The following SNX2 variants were observed in gnomAD, a reference collection of about 807,000 sequenced individuals.
SNX2 encodes sorting nexin-2.
A neutral mutation model predicts 69.9 loss-of-function variants in SNX2; 25 were observed. That is an observed-to-expected ratio of 0.36 (90% CI 0.26 to 0.50). The LOEUF is 0.50. Ranked by LOEUF, SNX2 falls within the 20% of genes least tolerant of loss-of-function variation. The pLI, the probability that SNX2 is intolerant of heterozygous loss-of-function variation, is 0.97. For synonymous variants in SNX2, 229 were observed against 200.4 expected (o/e 1.14, Z -1.20); for missense variants, 551 against 613.3 (o/e 0.90, Z 1.07).
chr5:122,799,781 A>G lies in SNX2; in HGVS notation c.316A>G (p.Thr106Ala), dbSNP rs1239405419. ...PSPAVTPVTP[T>A]TLIAPRIESK... is the part of the protein sequence containing the mutation. The stretch of plus-strand genomic sequence containing the variant: ...TCCTGCAGTCACACCTGTCACTCCT[A>G]CTACACTCATTGCTCCTAGAATTGA... The change falls in exon 3 of 15, where the codon ACT becomes GCT. Residue 106 changes from threonine to alanine, a missense_variant. This residue lies in a region of SNX2 where 191 missense variants were observed against 162.9 expected (regional missense o/e 1.17). Transcript: ENST00000379516. The G allele has an allele frequency of 1.2e-5, 20 of 1,613,490 alleles. No individual in the cohort carries two copies. The highest frequency in any genetic ancestry group is 1.7e-5 in the Admixed American group (1 of 59,978).
chr5:122,824,201 CAA>C (rs398050704), intron 11 of SNX2, among the ~76,000 whole-genome samples: 47,183 of 112,656 alleles, frequency 0.42, 8,664 homozygotes, highest in African/African-American at 0.49. Context: ...GACTCTGTCT[CAA>C]AAAAAAAAAA....
Position 122,801,890 on chromosome 5 carries a change from G to A in SNX2, c.412G>A (p.Asp138Asn). ...CTAGATTGAAGAAGAAGCAAATGGAGACATTTTTGACATAGAAATTGGTGT... is the reference window on the plus strand; with the variant it reads ...CTAGATTGAAGAAGAAGCAAATGGAAACATTTTTGACATAGAAATTGGTGT... ...REEIEEEANG[D>N]IFDIEIGVSD... Residue 138 changes from aspartate to asparagine, a missense_variant, in exon 4 of 15, where the codon GAC (aspartate) becomes AAC (asparagine). Asp to Asn is a conservative substitution (Grantham distance 23, BLOSUM62 1). This residue lies in a region of SNX2 where 360 missense variants were observed against 450.4 expected (regional missense o/e 0.80). Coordinates refer to ENST00000379516, the MANE Select transcript of SNX2 (RefSeq NM_003100.4). The A allele has an allele frequency of 6.3e-7, 1 of 1,599,678 alleles. No homozygotes were observed. The highest frequency in any genetic ancestry group is 1.1e-5 in the South Asian group (1 of 88,798).
At chr5:122,811,245 TA>T (rs1753769518) in intron 7 of SNX2, among the ~76,000 whole-genome samples, 1 of 152,190 alleles carries the variant, frequency 6.6e-6, no homozygotes, top group African/African-American at 2.4e-5. Context: ...AAGGAGTGGT[TA>T]AATACCCAAG....
intron 11 of SNX2, among the ~76,000 whole-genome samples, chr5:122,821,691 A>C (rs1002007430): frequency 6.6e-6 from 1 of 151,964 alleles, no homozygotes; most frequent in Admixed American, 6.6e-5. Flanking sequence ...TCCTGACCTC[A>C]TGATCCGCCT....
intron 10 of SNX2, among the ~76,000 whole-genome samples, chr5:122,817,951 T>A (rs1393028301): frequency 6.6e-6 from 1 of 152,064 alleles, no homozygotes; most frequent in Non-Finnish European, 1.5e-5. Context: ...AGTTTTTTGG[T>A]TTTTTAAAGA....
chr5:122,833,093 GAC>G lies in SNX2; in HGVS notation c.*3447_*3448del. 6.6e-6 allele frequency: 1 copy of G among 152,124 alleles called. No individual in the cohort carries two copies. Among genetic ancestry groups the G allele is most frequent in the Non-Finnish European group, 1.5e-5 (1 of 68,022 alleles). 9.4% of individuals were successfully genotyped at this position (152,124 alleles called of 1,614,324 possible). ...GTCTGTTTCAAAGTATTAGAAAAGA[GAC>G]AATAGAATCACCCACCCTCCCTTCG... On this transcript the variant is annotated 3_prime_UTR_variant, in exon 15 of 15. Coordinates refer to ENST00000379516, the MANE Select transcript of SNX2 (RefSeq NM_003100.4).
At chr5:122,826,368 C>G (rs558098572) in intron 12 of SNX2, among the ~76,000 whole-genome samples, 175 bp downstream of exon 12, 1 of 151,856 alleles carries the variant, frequency 6.6e-6, no homozygotes, top group Non-Finnish European at 1.5e-5. Context: ...ATCTCCAGAG[C>G]CCTTCATTAC....
rs745788857 is a variant in SNX2 at position 122,775,122 on chromosome 5, C to A, written c.19C>A (p.Pro7Thr). Residue 7 changes from proline (P) to threonine (T), a missense_variant, in exon 1 of 15, where the codon CCT becomes ACT. This residue lies in a region of SNX2 where 191 missense variants were observed against 162.9 expected (regional missense o/e 1.17). Transcript: ENST00000379516. MAAERE[P>T]PPLGDGKPTD... ...AGCGAAGATGGCGGCCGAGAGGGAA[C>A]CTCCTCCGCTGGGGGACGGGAAGCC... 3.1e-6 allele frequency: 5 copies of A among 1,592,060 alleles called. No homozygotes were observed. The highest frequency in any genetic ancestry group is 1.8e-5 in the Admixed American group (1 of 55,258).
intron 12 of SNX2, 95 bp downstream of exon 12, chr5:122,826,288 C>T (rs1006657853): frequency 2.1e-5 from 22 of 1,049,016 alleles, no homozygotes; most frequent in African/African-American, 1.8e-4. Context: ...CCATTCAACA[C>T]GTAGCTATTT....
chr5:122,820,991 G>A lies in SNX2; in HGVS notation c.1212+1968G>A, dbSNP rs1392103985. Among the ~76,000 whole-genome samples, 6 of 152,208 alleles carry A rather than the reference G, an allele frequency of 3.9e-5. No individual in the cohort carries two copies. The East Asian group carries it at 1.2e-3, about 29-fold the overall frequency. On this transcript the variant is annotated intron_variant, in intron 11 of 14. Transcript: ENST00000379516. ...ACTAAAAGAGTTAAAGAGCTGTGGT[G>A]AAGTTGCCTTCAGGTAAATTAAGCT...
chr5:122,815,612 A>T (rs1009924572), intron 7 of SNX2: 3 of 214,422 alleles, frequency 1.4e-5, no homozygotes, highest in Admixed American at 1.1e-4. Context: ...ATACTTTGCA[A>T]TGAGAAGTTT....
intron 2 of SNX2, 145 bp from the exon 3 acceptor site, chr5:122,799,547 C>G (rs1380667252): frequency 5.9e-6 from 3 of 512,080 alleles, no homozygotes; most frequent in East Asian, 6.7e-5. Flanking sequence ...GCATAAAATT[C>G]CTTTGTGATA....
chr5:122,808,474 G>A (rs1023515163), intron 7 of SNX2, 119 bp downstream of exon 7: 2 of 638,672 alleles, frequency 3.1e-6, no homozygotes, highest in South Asian at 2.5e-5. Flanking sequence ...ACCACTTGGT[G>A]GCTTTTAAGA....
rs1754304793 is a variant in SNX2 at position 122,832,112 on chromosome 5, T to G, written c.*2464T>G. 6.6e-6 allele frequency among the ~76,000 whole-genome samples: 1 copy of G among 152,220 alleles called. No homozygotes were observed. The highest frequency in any genetic ancestry group is 1.5e-5 in the Non-Finnish European group (1 of 68,016). On this transcript the variant is annotated 3_prime_UTR_variant, in exon 15 of 15. Transcript: ENST00000379516. ...ATCTTTTCATTGGATAGGTCTGAGTTTAGCGTTTGTTTGTTTTCTTAATGA... is the reference window on the plus strand; with the variant it reads ...ATCTTTTCATTGGATAGGTCTGAGTGTAGCGTTTGTTTGTTTTCTTAATGA...
chr5:122,816,079 A>AATT, intron 8 of SNX2, 108 bp downstream of exon 8: 2 of 496,428 alleles, frequency 4.0e-6, no homozygotes, highest in East Asian at 3.5e-5. Context: ...GGAATAAAGC[A>AATT]ATTATTATTA....
In SNX2 at chr5:122,831,639, T is replaced by C. The variant is rs1303448301; in HGVS notation, c.*1991T>C. On this transcript the variant is annotated 3_prime_UTR_variant, in exon 15 of 15. Coordinates refer to ENST00000379516, the MANE Select transcript of SNX2 (RefSeq NM_003100.4). ...ATTCATAGTAATATATATCAGATGC[T>C]ATCTTGTTGCTCCATTAATATTGAG... Among the ~76,000 whole-genome samples, 1 of 152,234 alleles carries C rather than the reference T, an allele frequency of 6.6e-6. No individual in the cohort carries two copies. The highest frequency in any genetic ancestry group is 1.5e-5 in the Non-Finnish European group (1 of 68,036).
Position 122,775,093 on chromosome 5 carries a change from G to C in SNX2, c.-11G>C. On this transcript the variant is annotated 5_prime_UTR_variant, in exon 1 of 15. Transcript: ENST00000379516. ...GAGGCCCAGCTCGCGCAGTCGTTCG[G>C]GTGAGCGAAGATGGCGGCCGAGAGG... 3 of 1,578,074 alleles carry C rather than the reference G, an allele frequency of 1.9e-6. No individual in the cohort carries two copies. The highest frequency in any genetic ancestry group is 2.6e-6 in the Non-Finnish European group (3 of 1,163,102).
In SNX2 at chr5:122,808,638, T is replaced by C. The variant is rs188604394; in HGVS notation, c.722+283T>C. On this transcript the variant is annotated intron_variant, in intron 7 of 14. Transcript: ENST00000379516. Reference sequence around the variant, plus strand: ...GCAGGAGCATATAATAGAAAACATATAAAGACATGAGTTAGCTGGGGATAG... The same window carrying C: ...GCAGGAGCATATAATAGAAAACATACAAAGACATGAGTTAGCTGGGGATAG... The C allele has an allele frequency of 2.2e-3, 457 of 206,034 alleles. 2 individuals are homozygous for C. The highest frequency in any genetic ancestry group is 3.8e-3 in the Middle Eastern group (2 of 532). 12.8% of individuals were successfully genotyped at this position (206,034 alleles called of 1,614,324 possible). A position where few individuals can be genotyped will look rare whatever the true frequency, so the allele number is the denominator to read the frequency against.
chr5:122,781,203 C>T (rs1037974787), intron 1 of SNX2, among the ~76,000 whole-genome samples: 2 of 152,230 alleles, frequency 1.3e-5, no homozygotes, highest in Non-Finnish European at 2.9e-5. Flanking sequence ...CTGGCAACCA[C>T]TGATCTGTTT....
Sources: allele counts gnomAD v4.1 joint callset (sites outside exome capture counted in the v4.1 genomes callset), GRCh38; gene constraint gnomAD v4.1.1; regional missense constraint gnomAD v4.1.1; transcripts MANE v1.5; gene names NCBI Gene and HGNC (gene_info 2026-07-23, HGNC 2026-07-21).